Variants in PER3 observed in about 807,000 individuals in gnomAD.
PER3 encodes the protein period circadian regulator 3.
Under a neutral mutation model 127.2 loss-of-function variants are expected in PER3, and 107 were observed. That is an observed-to-expected ratio of 0.84 (90% CI 0.72 to 0.99). The LOEUF (loss-of-function observed/expected upper bound fraction) is 0.99, where lower values mean the gene tolerates loss of function less well. PER3 is among the 50% of genes least tolerant of loss of function. The pLI is 0.00. For synonymous variants in PER3, 618 were observed against 585.8 expected (o/e 1.05, Z -0.79); for missense variants, 1,560 against 1,525.8 (o/e 1.02, Z -0.37).
At chr1:7,806,562 A>G (rs1352334202) in intron 10 of PER3, among the ~76,000 whole-genome samples, 3 of 151,914 alleles carry the variant, frequency 2.0e-5, no homozygotes, top group Non-Finnish European at 4.4e-5. Context: ...CTGAGGCAGG[A>G]GGATCACTTG....
intron 20 of PER3, 115 bp from the exon 21 acceptor site, chr1:7,836,884 G>T: frequency 1.5e-6 from 1 of 673,138 alleles, no homozygotes; most frequent in Admixed American, 2.9e-5. Flanking sequence ...TATGCCTCAT[G>T]TGTTAGAAAA....
At chr1:7,813,839 A>G (rs1464457049) in intron 13 of PER3, among the ~76,000 whole-genome samples, 1 of 152,236 alleles carries the variant, frequency 6.6e-6, no homozygotes, top group African/African-American at 2.4e-5. Context: ...ACCTCCCAAG[A>G]GACAAAACCA....
intron 15 of PER3, 44 bp downstream of exon 15, chr1:7,820,283 T>G: frequency 6.3e-7 from 1 of 1,583,472 alleles, no homozygotes; most frequent in East Asian, 2.2e-5. Context: ...GAACTGTAAA[T>G]ACATCCTTCT....
chr1:7,803,635 T>G, intron 9 of PER3, 57 bp from the exon 10 acceptor site: 1 of 1,103,828 alleles, frequency 9.1e-7, no homozygotes, highest in Non-Finnish European at 1.3e-6. Flanking sequence ...AAAAAGGACA[T>G]TTGTAATCAG....
intron 19 of PER3, among the ~76,000 whole-genome samples, chr1:7,830,715 T>C (rs922195773): frequency 2.0e-5 from 3 of 152,298 alleles, no homozygotes; most frequent in African/African-American, 7.2e-5. Flanking sequence ...GTTCCTGCCG[T>C]TTGTTCAAAG....
chr1:7,810,788 G>A (rs949077527), intron 13 of PER3, 200 bp downstream of exon 13: 17 of 410,552 alleles, frequency 4.1e-5, no homozygotes, highest in East Asian at 3.7e-4. Context: ...AAAGGAAATG[G>A]TATTAGAATG....
Position 7,820,136 on chromosome 1 carries a change from T to G in PER3, c.1680T>G (p.Ile560Met). The stretch of plus-strand genomic sequence containing the variant: ...ACAGATACCTGAAGAGCTACAACAT[T>G]CCAGCTTTGAAAAGAAAGTGTATCT... ...SVIRYLKSYN[I>M]PALKRKCISC... is the part of the protein sequence containing the mutation. Residue 560 changes from isoleucine to methionine, a missense_variant, in exon 15 of 22, where the codon ATT becomes ATG. By Grantham distance (10) the Ile-to-Met change is conservative. Coordinates refer to ENST00000377532, the MANE Select transcript of PER3 (RefSeq NM_001377275.1). 1 of 1,613,672 alleles carries G rather than the reference T, an allele frequency of 6.2e-7. No individual in the cohort carries two copies. Among genetic ancestry groups the G allele is most frequent in the Non-Finnish European group, 8.5e-7 (1 of 1,179,690 alleles).
chr1:7,825,190 C>A (rs1013609350), intron 16 of PER3, among the ~76,000 whole-genome samples: 3 of 152,094 alleles, frequency 2.0e-5, no homozygotes, highest in African/African-American at 7.2e-5. Flanking sequence ...GGATGCTGCA[C>A]CACAGGGGCG....
At chr1:7,800,080 G>A (rs752525659) in intron 7 of PER3, among the ~76,000 whole-genome samples, 1 of 151,908 alleles carries the variant, frequency 6.6e-6, no homozygotes, top group Non-Finnish European at 1.5e-5. Flanking sequence ...ACCTGTTTTT[G>A]TGTATTTGTA....
chr1:7,822,212 C>T (rs1216296577), intron 16 of PER3, among the ~76,000 whole-genome samples: 1 of 151,792 alleles, frequency 6.6e-6, no homozygotes, highest in East Asian at 1.9e-4. Flanking sequence ...TTGAGACCAG[C>T]TTGGGCAACA....
At chr1:7,832,549 A>G (rs2097336844) in intron 19 of PER3, among the ~76,000 whole-genome samples, 1 of 150,854 alleles carries the variant, frequency 6.6e-6, no homozygotes, top group South Asian at 2.1e-4. Context: ...GATTTTTTGT[A>G]TTTTTAGTAG....
rs546880084 is a variant in PER3, at chr1:7,803,028, T to A, written c.873-19T>A. The A allele has an allele frequency of 3.8e-6, 5 of 1,312,448 alleles. No homozygotes were observed. The highest frequency in any genetic ancestry group is 5.5e-6 in the Non-Finnish European group (5 of 904,274). The allele number at this position is 1,312,448 out of a possible 1,614,324, so 81.3% of individuals were successfully genotyped here. A position where few individuals can be genotyped will look rare whatever the true frequency, so the allele number is the denominator to read the frequency against. ...TTACCTGATGAGTATGCCACCTGTG[T>A]TGTGTATCTGTATCCCAGAGCAGTG... On this transcript the variant is annotated intron_variant, in intron 8 of 21. Coordinates refer to ENST00000377532, the MANE Select transcript of PER3 (RefSeq NM_001377275.1).
chr1:7,829,949 CAGG>C lies in PER3; in HGVS notation c.3004_3006del (p.Gly1002del). On this transcript the variant is annotated inframe_deletion, in exon 19 of 22. Transcript: ENST00000377532. ...CATCCTACTGCCAGCGCTCTGTCCA[CAGG>C]ATCGCCTCCCATGAAGAATCCATCC... The C allele has an allele frequency of 1.6e-6, 2 of 1,269,682 alleles. No homozygotes were observed. The highest frequency in any genetic ancestry group is 1.0e-6 in the Non-Finnish European group (1 of 991,464). The allele number at this position is 1,269,682 out of a possible 1,614,324, so 78.7% of individuals were successfully genotyped here.
chr1:7,810,474 A>AT lies in PER3; in HGVS notation c.1410dup (p.Lys471Ter). On this transcript the variant is annotated frameshift_variant, in exon 13 of 22. Coordinates refer to ENST00000377532, the MANE Select transcript of PER3 (RefSeq NM_001377275.1). LOFTEE classifies it high-confidence loss of function. ...GCAGGTCTATGCCAGTGTGAACAAA[A>AT]TTAAAAATCTGGGTCAGCAGCTCTA... The AT allele has an allele frequency of 6.2e-7, 1 of 1,612,884 alleles. No homozygotes were observed. The highest frequency in any genetic ancestry group is 2.2e-5 in the East Asian group (1 of 44,836).
rs2097399704 is a variant in PER3, at chr1:7,843,326, TG to T, written c.*576del. 6.5e-6 allele frequency: 1 copy of T among 152,770 alleles called. No individual in the cohort carries two copies. Among genetic ancestry groups the T allele is most frequent in the South Asian group, 2.1e-4 (1 of 4,828 alleles). 9.5% of individuals were successfully genotyped at this position (152,770 alleles called of 1,614,324 possible). ...TAGCATATCTGGGATAACCAGGTTT[TG>T]GGGGTTGAGTTTTGGCCTTCATCCT... On this transcript the variant is annotated 3_prime_UTR_variant, in exon 22 of 22. Coordinates refer to ENST00000377532, the MANE Select transcript of PER3 (RefSeq NM_001377275.1).
intron 18 of PER3, among the ~76,000 whole-genome samples, chr1:7,828,687 G>A (rs1324462695): frequency 6.6e-6 from 1 of 152,102 alleles, no homozygotes; most frequent in Non-Finnish European, 1.5e-5. Flanking sequence ...ATCCCAGCTC[G>A]GTCACTAGTT....
At chr1:7,839,100 T>C (rs1373002562) in intron 21 of PER3, among the ~76,000 whole-genome samples, 1 of 152,202 alleles carries the variant, frequency 6.6e-6, no homozygotes, top group Non-Finnish European at 1.5e-5. Flanking sequence ...TTTCCTGTTG[T>C]GTATATTGTG....
chr1:7,839,691 T>C (rs2097375118), intron 21 of PER3, among the ~76,000 whole-genome samples: 1 of 152,348 alleles, frequency 6.6e-6, no homozygotes, highest in Admixed American at 6.5e-5. Context: ...TTTAAGCACT[T>C]TGAATACACT....
chr1:7,811,544 G>A (rs980378672), intron 13 of PER3: 20 of 152,300 alleles, frequency 1.3e-4, no homozygotes, highest in African/African-American at 4.8e-4. Context: ...AGTGTCTAGC[G>A]AGGGCCAGGT....
Sources: allele counts gnomAD v4.1 joint callset (sites outside exome capture counted in the v4.1 genomes callset), GRCh38; gene constraint gnomAD v4.1.1; transcripts MANE v1.5; gene names NCBI Gene and HGNC (gene_info 2026-07-23, HGNC 2026-07-21).